Variants in BMAL1 observed in about 807,000 individuals in gnomAD.
BMAL1 encodes the protein basic helix-loop-helix ARNT like 1.
chr11:13,290,915 G>A, the BMAL1 span, among the ~76,000 whole-genome samples: 1 of 152,060 alleles, frequency 6.6e-6, no homozygotes, highest in East Asian at 1.9e-4. Flanking sequence ...TTGATGGATG[G>A]GTTGCCACAC....
the BMAL1 span, among the ~76,000 whole-genome samples, chr11:13,368,158 C>T: frequency 6.6e-6 from 1 of 152,300 alleles, no homozygotes; most frequent in South Asian, 2.1e-4. Flanking sequence ...GCCTTTGAGG[C>T]TCTTAGCATA....
chr11:13,342,193 C>A, the BMAL1 span, among the ~76,000 whole-genome samples: 1 of 152,186 alleles, frequency 6.6e-6, no homozygotes, highest in Non-Finnish European at 1.5e-5. Context: ...ATTCCTGGTT[C>A]TGGGACAGAA....
At chr11:13,312,395 G>C in the BMAL1 span, among the ~76,000 whole-genome samples, 1 of 152,124 alleles carries the variant, frequency 6.6e-6, no homozygotes, top group Non-Finnish European at 1.5e-5. Flanking sequence ...GAGATAGATC[G>C]AGTCCCTCAG....
the BMAL1 span, among the ~76,000 whole-genome samples, chr11:13,349,471 G>T: frequency 6.6e-6 from 1 of 152,224 alleles, no homozygotes; most frequent in African/African-American, 2.4e-5. Flanking sequence ...AGTCTCTTCT[G>T]TAAAACGGAG....
At chr11:13,285,609 G>A in the BMAL1 span, among the ~76,000 whole-genome samples, 4 of 152,260 alleles carry the variant, frequency 2.6e-5, no homozygotes, top group African/African-American at 9.6e-5. Context: ...ACATGTAAAG[G>A]CCCTGGGGTT....
the BMAL1 span, chr11:13,358,611 T>C: frequency 6.5e-7 from 1 of 1,543,270 alleles, no homozygotes; most frequent in East Asian, 2.3e-5. Flanking sequence ...TGGGCTCTAT[T>C]GTCCTTTATG....
At chr11:13,281,759 A>T in the BMAL1 span, among the ~76,000 whole-genome samples, 3 of 152,216 alleles carry the variant, frequency 2.0e-5, no homozygotes, top group Admixed American at 2.0e-4. Flanking sequence ...ACCCACCTGC[A>T]CTGGCCTCCC....
the BMAL1 span, among the ~76,000 whole-genome samples, chr11:13,312,452 C>T: frequency 6.6e-6 from 1 of 152,078 alleles, no homozygotes; most frequent in African/African-American, 2.4e-5. Flanking sequence ...TCTTAGGAGT[C>T]TATTGAAAGG....
chr11:13,357,483 G>C, the BMAL1 span, among the ~76,000 whole-genome samples: 1 of 152,226 alleles, frequency 6.6e-6, no homozygotes, highest in African/African-American at 2.4e-5. The surrounding 1 kb of genome is among the most constrained non-coding windows in gnomAD (Gnocchi z 4.8). Flanking sequence ...ATTGCACTGC[G>C]AGTTGCAACT....
chr11:13,293,767 A>G, the BMAL1 span, among the ~76,000 whole-genome samples: 1 of 152,238 alleles, frequency 6.6e-6, no homozygotes, highest in African/African-American at 2.4e-5. Context: ...CCATTTGCTC[A>G]TTCCTCTGTG....
chr11:13,376,798 A>G, the BMAL1 span: 36 of 1,430,724 alleles, frequency 2.5e-5, no homozygotes, highest in Admixed American at 3.6e-4. Context: ...ATCCTCCCCT[A>G]AAGTATTCAG....
the BMAL1 span, among the ~76,000 whole-genome samples, chr11:13,349,044 C>G: frequency 1.3e-5 from 2 of 152,168 alleles, no homozygotes; most frequent in African/African-American, 4.8e-5. Context: ...GAGCCAGTTT[C>G]TGCCAGACAC....
the BMAL1 span, among the ~76,000 whole-genome samples, chr11:13,382,053 AT>A: frequency 6.6e-6 from 1 of 152,080 alleles, no homozygotes; most frequent in African/African-American, 2.4e-5. Context: ...CAGGGCAAGG[AT>A]TTTCAAAACT....
the BMAL1 span, among the ~76,000 whole-genome samples, chr11:13,336,171 A>G: frequency 6.6e-6 from 1 of 152,234 alleles, no homozygotes; most frequent in African/African-American, 2.4e-5. Context: ...TGTCAGAGAA[A>G]TGAGGTGTTT....
the BMAL1 span, among the ~76,000 whole-genome samples, chr11:13,305,342 T>G: frequency 6.6e-6 from 1 of 152,376 alleles, no homozygotes; most frequent in Non-Finnish European, 1.5e-5. Context: ...ATGATAGTTC[T>G]TTCTTTTTTT....
the BMAL1 span, among the ~76,000 whole-genome samples, chr11:13,331,219 G>T: frequency 2.0e-5 from 3 of 152,224 alleles, no homozygotes; most frequent in Non-Finnish European, 4.4e-5. Flanking sequence ...ACCAAGATAT[G>T]TGTATATAAC....
At chr11:13,325,657 T>TTGTGTTTGTGTGTGTG in the BMAL1 span, among the ~76,000 whole-genome samples, 51 of 134,412 alleles carry the variant, frequency 3.8e-4, no homozygotes, top group African/African-American at 1.4e-3. Flanking sequence ...TTGAGACCTT[T>TTGTGTTTGTGTGTGTG]TGTGTGTGTG....
the BMAL1 span, among the ~76,000 whole-genome samples, chr11:13,334,734 A>G: frequency 6.6e-6 from 1 of 152,224 alleles, no homozygotes; most frequent in South Asian, 2.1e-4. Flanking sequence ...ATGACCACCT[A>G]CCATCCAAAA....
chr11:13,350,217 A>G, the BMAL1 span: 1 of 152,218 alleles, frequency 6.6e-6, no homozygotes, highest in Non-Finnish European at 1.5e-5. Context: ...TGGCTGGTCA[A>G]AAAAGGGAGT....
Sources: gnomAD v4.1 joint callset for allele counts (sites outside exome capture counted in the v4.1 genomes callset) on GRCh38, gnomAD v4.1.1 for gene constraint, Gnocchi (gnomAD v3.1) non-coding constraint, MANE v1.5 for transcripts, NCBI Gene and HGNC (gene_info 2026-07-23, HGNC 2026-07-21) for gene names.